Variants in ASB8 observed in about 807,000 individuals in gnomAD.
ASB8 encodes the protein ankyrin repeat and SOCS box protein 8.
In ASB8, 15 loss-of-function variants were observed where a neutral mutation model predicts 22.9. The ratio of observed to expected loss-of-function variants is 0.66; its 90% CI spans 0.44 to 1.01. The LOEUF is 1.01. Among genes scored for constraint, ASB8 ranks in the 50% least tolerant of loss-of-function variants. The pLI is 0.00. For synonymous variants in ASB8, 124 were observed against 140.8 expected, an observed-to-expected ratio of 0.88 and a Z score of 0.84; for missense variants, 294 against 356.9, an observed-to-expected ratio of 0.82 and a Z score of 1.42.
At position 48,149,840 on chromosome 12, in the gene ASB8, A is replaced by T; in HGVS notation, c.393T>A (p.Ala131=). 1.9e-6 allele frequency: 3 copies of T among 1,614,232 alleles called. No individual in the cohort carries two copies. The highest frequency in any genetic ancestry group is 2.5e-6 in the Non-Finnish European group (3 of 1,180,042). The stretch of plus-strand genomic sequence containing the variant: ...TCTCTAGGAGAGCCCGCACACACTC[A>T]GCATTGTTCTTAAAGGCTGCCCAGT... The part of the protein sequence containing the change: ...PLHWAAFKNN[A]ECVRALLESG... Residue 131 remains alanine, a synonymous_variant, in exon 4 of 4, where the codon GCT becomes GCA. Coordinates refer to ENST00000317697, the MANE Select transcript of ASB8 (RefSeq NM_024095.5).
intron 2 of ASB8, 39 bp downstream of exon 2, chr12:48,153,329 A>G: frequency 6.2e-7 from 1 of 1,609,090 alleles, no homozygotes; most frequent in South Asian, 1.1e-5. Flanking sequence ...TGCCCACTTC[A>G]TATCGCAAGG....
At position 48,148,313 on chromosome 12, in the gene ASB8, A is replaced by T. The variant is rs1231218749; in HGVS notation, c.*1053T>A. 6.6e-6 allele frequency: 1 copy of T among 152,262 alleles called. No individual in the cohort carries two copies. Among genetic ancestry groups the T allele is most frequent in the Non-Finnish European group, 1.5e-5 (1 of 68,052 alleles). The allele number at this position is 152,262 out of a possible 1,614,324, so 9.4% of individuals were successfully genotyped here. A position where few individuals can be genotyped will look rare whatever the true frequency, so the allele number is the denominator to read the frequency against. On this transcript the variant is annotated 3_prime_UTR_variant, in exon 4 of 4. Transcript: ENST00000317697. Reference sequence around the variant, plus strand: ...CATTAGAACACACTGTTTCTCAGGAAGAGAAAAAGCTGCATTACAAGAAAA... The same window carrying T: ...CATTAGAACACACTGTTTCTCAGGATGAGAAAAAGCTGCATTACAAGAAAA...
intron 2 of ASB8, chr12:48,151,762 C>G: frequency 1.6e-6 from 1 of 611,554 alleles, no homozygotes; most frequent in East Asian, 6.7e-5. Context: ...GTGGCATCAT[C>G]TTAACACGGT....
In ASB8 at chr12:48,149,834, A is replaced by T. The variant is rs1486640143; in HGVS notation, c.399T>A (p.Cys133Ter). Reference sequence around the variant, plus strand: ...CCCCGCTCTCTAGGAGAGCCCGCACACACTCAGCATTGTTCTTAAAGGCTG... The same window carrying T: ...CCCCGCTCTCTAGGAGAGCCCGCACTCACTCAGCATTGTTCTTAAAGGCTG... The part of the protein sequence containing the change: ...HWAAFKNNAE[C>*]VRALLESGAS... Residue 133 changes from cysteine to a stop codon, truncating the protein, a stop_gained, in exon 4 of 4, where the codon TGT (cysteine) becomes TGA (stop). Transcript: ENST00000317697. LOFTEE classifies it high-confidence loss of function. 1 of 1,614,140 alleles carries T rather than the reference A, an allele frequency of 6.2e-7. No individual in the cohort carries two copies. Among genetic ancestry groups the T allele is most frequent in the Admixed American group, 1.7e-5 (1 of 60,022 alleles).
chr12:48,152,309 CCTT>C (rs1951217166), intron 2 of ASB8, among the ~76,000 whole-genome samples: 1 of 152,182 alleles, frequency 6.6e-6, no homozygotes, highest in African/African-American at 2.4e-5. Flanking sequence ...CATGACTTTT[CCTT>C]CTTCAGTTGT....
intron 3 of ASB8, among the ~76,000 whole-genome samples, chr12:48,150,744 A>G (rs1269428287): frequency 1.3e-5 from 2 of 152,246 alleles, no homozygotes; most frequent in Non-Finnish European, 2.9e-5. Flanking sequence ...TTATTTGGCT[A>G]AAACCTATCT....
At chr12:48,150,817 AG>A in intron 3 of ASB8, 1 of 281,994 alleles carries the variant, frequency 3.5e-6, no homozygotes, top group South Asian at 9.4e-5. Flanking sequence ...ATCAGAGTTG[AG>A]GGATCTCTGC....
At chr12:48,155,222 A>G (rs1759967540) in intron 1 of ASB8, among the ~76,000 whole-genome samples, 1 of 152,224 alleles carries the variant, frequency 6.6e-6, no homozygotes, top group African/African-American at 2.4e-5. Flanking sequence ...TCAGCTCTCT[A>G]GGTGCAACTG....
In ASB8 at chr12:48,152,284, A is replaced by G. The variant is rs138522332; in HGVS notation, c.130-979T>C. 4.3e-4 allele frequency among the ~76,000 whole-genome samples: 66 copies of G among 152,356 alleles called. No homozygotes were observed. In the East Asian group the frequency reaches 0.012, roughly 28 times the overall value. On this transcript the variant is annotated intron_variant, in intron 2 of 3. Coordinates refer to ENST00000317697, the MANE Select transcript of ASB8 (RefSeq NM_024095.5). ...GTCTCCTGACACTACTTTTGCTGAC[A>G]ATAAGCTAACACTGCATGACTTTTC...
intron 2 of ASB8, 34 bp downstream of exon 2, chr12:48,153,334 G>C: frequency 1.2e-6 from 2 of 1,610,238 alleles, no homozygotes; most frequent in Non-Finnish European, 8.5e-7. Flanking sequence ...ACTTCATATC[G>C]CAAGGACTCT....
chr12:48,153,380 G>A lies in ASB8; in HGVS notation c.117C>T (p.Asp39=). The change falls in exon 2 of 4, where the codon GAC becomes GAT. Residue 39 remains aspartate (D), a synonymous_variant. Coordinates refer to ENST00000317697, the MANE Select transcript of ASB8 (RefSeq NM_024095.5). ...CCAGCACACTCACCCCTCTGATGAG[G>A]TCCTCTACATTATCATGTGGGAAGG... The part of the protein sequence containing the change: ...IRSFPHDNVE[D]LIRGGADVNC... 1 of 1,613,946 alleles carries A rather than the reference G, an allele frequency of 6.2e-7. No homozygotes were observed. The highest frequency in any genetic ancestry group is 1.3e-5 in the African/African-American group (1 of 75,020).
chr12:48,149,461 C>A lies in ASB8; in HGVS notation c.772G>T (p.Val258Leu), dbSNP rs765580360. ...GTLKTLARYA[V>L]RRSLGLQYLP... The stretch of plus-strand genomic sequence containing the variant: ...TACTGGAGTCCCAGGCTACGGCGCA[C>A]GGCATAGCGAGCGAGTGTTTTTAGA... The change falls in exon 4 of 4, where the codon GTG (valine) becomes TTG (leucine). Residue 258 changes from valine to leucine, a missense_variant. Coordinates refer to ENST00000317697, the MANE Select transcript of ASB8 (RefSeq NM_024095.5). The A allele has an allele frequency of 2.0e-5, 32 of 1,613,998 alleles. No individual in the cohort carries two copies.
At chr12:48,150,958 G>C in intron 3 of ASB8, 4 of 589,200 alleles carry the variant, frequency 6.8e-6, no homozygotes, top group Non-Finnish European at 3.0e-6. Flanking sequence ...GAAAGGCAGA[G>C]TATCAGCACC....
intron 3 of ASB8, chr12:48,150,207 G>C (rs769369358): frequency 1.4e-6 from 1 of 707,978 alleles, no homozygotes; most frequent in South Asian, 1.5e-5. Context: ...TCCTCAAACA[G>C]TCAACACTAT....
chr12:48,157,406 G>A (rs1396472415), intron 1 of ASB8, 53 bp downstream of exon 1: 1 of 152,244 alleles, frequency 6.6e-6, no homozygotes, highest in African/African-American at 2.4e-5. Flanking sequence ...ATTGGGCGTG[G>A]TACCCTGGGT....
At chr12:48,152,584 T>C (rs892327459) in intron 2 of ASB8, among the ~76,000 whole-genome samples, 2 of 152,186 alleles carry the variant, frequency 1.3e-5, no homozygotes, top group African/African-American at 2.4e-5. Flanking sequence ...ATTTTAGAGG[T>C]TGATATCCTC....
In ASB8 at chr12:48,155,497, G is replaced by A. The variant is rs142356481; in HGVS notation, c.-34+1962C>T. Among the ~76,000 whole-genome samples, 1,273 of 152,032 alleles carry A rather than the reference G, an allele frequency of 8.4e-3. 16 individuals are homozygous for A. The highest frequency in any genetic ancestry group is 0.028 in the African/African-American group (1,151 of 41,502). ...AGCACTTTGGGAGGCCGAGATGGGC[G>A]GATCACTTGAGGTCAGCAGTTCGAG... On this transcript the variant is annotated intron_variant, in intron 1 of 3. Coordinates refer to ENST00000317697, the MANE Select transcript of ASB8 (RefSeq NM_024095.5).
At chr12:48,153,721 C>T in intron 1 of ASB8, 192 bp from the exon 2 acceptor site, 1 of 393,368 alleles carries the variant, frequency 2.5e-6, no homozygotes, top group Non-Finnish European at 4.6e-6. Flanking sequence ...AAATGTTCTA[C>T]TCTAACCTAG....
chr12:48,153,233 T>C, intron 2 of ASB8, 135 bp downstream of exon 2: 1 of 1,028,990 alleles, frequency 9.7e-7, no homozygotes. Flanking sequence ...ATTTTAATGA[T>C]CAAGTTAATG....
Sources: gnomAD v4.1 joint callset for allele counts (sites outside exome capture counted in the v4.1 genomes callset) on GRCh38, gnomAD v4.1.1 for gene constraint, MANE v1.5 for transcripts, NCBI Gene and HGNC (gene_info 2026-07-23, HGNC 2026-07-21) for gene names.